ZFAT: variants seen among roughly 807,000 people sequenced by gnomAD.
ZFAT encodes zinc finger protein ZFAT.
In ZFAT, 64 loss-of-function variants were observed where a neutral mutation model predicts 117.7. That is an observed-to-expected ratio of 0.54 (90% CI 0.44 to 0.67). The LOEUF (loss-of-function observed/expected upper bound fraction) is 0.67. Among genes scored for constraint, ZFAT ranks in the 30% least tolerant of loss-of-function variants. The probability of loss-of-function intolerance (pLI) is 0.00; values close to 1 mark genes in which losing one functional copy is unlikely to be tolerated. For synonymous variants in ZFAT, 679 were observed against 615.0 expected (o/e 1.10, Z -1.54); for missense variants, 1,433 against 1,584.5 (o/e 0.90, Z 1.62).
chr8:134,772,207 T>C, the ZFAT span, among the ~76,000 whole-genome samples: 2 of 152,234 alleles, frequency 1.3e-5, no homozygotes, highest in African/African-American at 4.8e-5. Flanking sequence ...GTCTCTCACT[T>C]AAAGCTAAAA....
At chr8:134,512,690 G>A (rs3739428) in intron 13 of ZFAT, 89 bp from the exon 14 acceptor site, 127,469 of 1,489,426 alleles carry the variant, frequency 0.086, 8,969 homozygotes, top group African/African-American at 0.33. Flanking sequence ...TAGAACAAAC[G>A]CATATAAGAA....
At chr8:134,803,164 A>AC in the ZFAT span, among the ~76,000 whole-genome samples, 1 of 152,126 alleles carries the variant, frequency 6.6e-6, no homozygotes, top group Non-Finnish European at 1.5e-5. Context: ...AAGAATGCCT[A>AC]CCCCCTCATT....
the ZFAT span, among the ~76,000 whole-genome samples, chr8:134,803,199 T>C: frequency 1.3e-5 from 2 of 152,234 alleles, no homozygotes; most frequent in Non-Finnish European, 2.9e-5. Flanking sequence ...CCTTATCATT[T>C]TGAAAAACCT....
rs1830304414 is a variant in ZFAT, at chr8:134,637,651, T to G, written c.258A>C (p.Thr86=). The change falls in exon 3 of 16, where the codon ACA becomes ACC. Residue 86 remains threonine (T), a synonymous_variant. Coordinates refer to ENST00000377838, the MANE Select transcript of ZFAT (RefSeq NM_020863.4). The part of the protein sequence containing the change: ...RPKGSTKKSS[T]EEELAENIVS... ...CGATGTTTTCTGCCAGCTCCTCTTC[T>G]GTGCTGGACTTCTTCGTGGACCCCT... is the stretch of plus-strand genomic sequence containing the variant. The G allele has an allele frequency of 3.7e-6, 6 of 1,614,100 alleles. No individual in the cohort carries two copies. In the Admixed American group the frequency reaches 6.7e-5, roughly 18 times the overall value.
At chr8:134,527,253 G>C (rs1477067640) in intron 12 of ZFAT, among the ~76,000 whole-genome samples, 1 of 152,196 alleles carries the variant, frequency 6.6e-6, no homozygotes, top group East Asian at 1.9e-4. Flanking sequence ...ATATTTGTTA[G>C]CACTTTGATG....
At chr8:134,775,839 A>G in the ZFAT span, among the ~76,000 whole-genome samples, 3 of 152,232 alleles carry the variant, frequency 2.0e-5, no homozygotes, top group African/African-American at 7.2e-5. Context: ...AGACCCCATA[A>G]TAGTTGAAAT....
chr8:134,799,683 C>T, the ZFAT span, among the ~76,000 whole-genome samples: 1 of 152,132 alleles, frequency 6.6e-6, no homozygotes, highest in South Asian at 2.1e-4. Flanking sequence ...CGAAGTAACT[C>T]GCAGAATCAA....
intron 3 of ZFAT, among the ~76,000 whole-genome samples, chr8:134,613,413 G>C (rs899845034): frequency 1.3e-5 from 2 of 152,296 alleles, no homozygotes; most frequent in Non-Finnish European, 2.9e-5. Context: ...CTGCAGAACC[G>C]GGGGGCTGGA....
At chr8:134,588,614 A>G (rs1409292647) in intron 8 of ZFAT, among the ~76,000 whole-genome samples, 6 of 152,246 alleles carry the variant, frequency 3.9e-5, no homozygotes. Flanking sequence ...AAGCAACATC[A>G]CAAGGCAATT....
chr8:134,739,901 A>C, the ZFAT span, among the ~76,000 whole-genome samples: 9 of 152,200 alleles, frequency 5.9e-5, no homozygotes, highest in African/African-American at 2.2e-4. Flanking sequence ...AGAAGGAATT[A>C]ATGTCCTCCT....
intron 14 of ZFAT, among the ~76,000 whole-genome samples, chr8:134,510,534 C>T (rs1264011204): frequency 1.3e-5 from 2 of 152,126 alleles, no homozygotes; most frequent in Admixed American, 6.5e-5. Context: ...GGGAACTCAA[C>T]GTGTCTCATG....
chr8:134,723,471 G>C, the ZFAT span: 1 of 152,538 alleles, frequency 6.6e-6, no homozygotes, highest in Admixed American at 6.5e-5. Flanking sequence ...CATGCGGAGG[G>C]AGTGCCCGCT....
At chr8:134,617,935 G>T (rs1256904361) in intron 3 of ZFAT, among the ~76,000 whole-genome samples, 3 of 152,144 alleles carry the variant, frequency 2.0e-5, no homozygotes, top group African/African-American at 7.2e-5. Context: ...ACTGAATCAT[G>T]GGGCCTGGCC....
intron 1 of ZFAT, among the ~76,000 whole-genome samples, chr8:134,707,333 G>GC (rs1313482102): frequency 6.6e-6 from 1 of 152,092 alleles, no homozygotes. Flanking sequence ...AAATCCTCAA[G>GC]AGGAAAGAAC....
intron 2 of ZFAT, among the ~76,000 whole-genome samples, chr8:134,650,784 G>T (rs1274065495): frequency 1.3e-5 from 2 of 152,154 alleles, no homozygotes; most frequent in African/African-American, 4.8e-5. Flanking sequence ...TTTGACAAGG[G>T]TGCCAAAACC....
intron 12 of ZFAT, among the ~76,000 whole-genome samples, chr8:134,530,090 T>G (rs1821303008): frequency 6.6e-6 from 1 of 152,176 alleles, no homozygotes; most frequent in Non-Finnish European, 1.5e-5. Context: ...ATCAATAGCT[T>G]TGCACATGTC....
At chr8:134,578,709 C>T (rs1304327654) in intron 10 of ZFAT, among the ~76,000 whole-genome samples, 1 of 152,142 alleles carries the variant, frequency 6.6e-6, no homozygotes, top group African/African-American at 2.4e-5. Context: ...CAGGAGATGA[C>T]AGTGGCCAGT....
chr8:134,786,735 A>G, the ZFAT span, among the ~76,000 whole-genome samples: 1 of 152,200 alleles, frequency 6.6e-6, no homozygotes, highest in African/African-American at 2.4e-5. Flanking sequence ...TAATCAAAAA[A>G]TATCTAAAAT....
chr8:134,794,700 T>C, the ZFAT span: 4 of 152,350 alleles, frequency 2.6e-5, no homozygotes, highest in Non-Finnish European at 4.4e-5. Flanking sequence ...GTAAAAAATT[T>C]AACTTCCATA....
Sources: gnomAD v4.1 joint callset for allele counts (sites outside exome capture counted in the v4.1 genomes callset) on GRCh38, gnomAD v4.1.1 for gene constraint, MANE v1.5 for transcripts, NCBI Gene and HGNC (gene_info 2026-07-23, HGNC 2026-07-21) for gene names.